CHLSN: variants seen among roughly 807,000 people sequenced by gnomAD.
The protein encoded by CHLSN is cholesin.
the CHLSN span, among the ~76,000 whole-genome samples, chr7:1,071,033 T>C: frequency 2.4e-3 from 359 of 152,166 alleles, no homozygotes; most frequent in Non-Finnish European, 4.0e-3. Context: ...CACACACATG[T>C]ACATGCAGCC....
chr7:1,111,493 C>T, the CHLSN span, among the ~76,000 whole-genome samples: 4 of 152,316 alleles, frequency 2.6e-5, no homozygotes, highest in African/African-American at 7.2e-5. Context: ...TGCTGTTTGT[C>T]GTTTTGCTTA....
At chr7:1,085,217 T>C in the CHLSN span, among the ~76,000 whole-genome samples, 4 of 152,230 alleles carry the variant, frequency 2.6e-5, no homozygotes, top group Admixed American at 2.6e-4. Flanking sequence ...TCAGATGAAA[T>C]TCCCCTTGAA....
chr7:1,034,521 G>A, the CHLSN span, among the ~76,000 whole-genome samples: 17 of 152,272 alleles, frequency 1.1e-4, 1 homozygote, highest in Admixed American at 8.5e-4. Context: ...TCGGGACATC[G>A]GACAGCTGTG....
the CHLSN span, among the ~76,000 whole-genome samples, chr7:1,135,792 T>TAC: frequency 3.8e-5 from 4 of 106,390 alleles, 1 homozygote; most frequent in South Asian, 8.1e-4. Context: ...TATATATATA[T>TAC]ACACAATTTA....
the CHLSN span, among the ~76,000 whole-genome samples, chr7:1,011,150 GACCCACACCC>G: frequency 1.3e-3 from 143 of 113,368 alleles, no homozygotes; most frequent in Middle Eastern, 0.025. Context: ...TACCCACACC[GACCCACACCC>G]ACCCACACCC....
At chr7:1,009,753 C>T in the CHLSN span, among the ~76,000 whole-genome samples, 1 of 152,362 alleles carries the variant, frequency 6.6e-6, no homozygotes, top group South Asian at 2.1e-4. Flanking sequence ...GCTCTGCTGC[C>T]GCCCCTGAAA....
At chr7:1,054,159 A>C in the CHLSN span, among the ~76,000 whole-genome samples, 1 of 152,184 alleles carries the variant, frequency 6.6e-6, no homozygotes, top group African/African-American at 2.4e-5. Context: ...CTTCCCTCCC[A>C]AGATCTCCAG....
the CHLSN span, among the ~76,000 whole-genome samples, chr7:1,037,380 G>A: frequency 7.5e-5 from 10 of 133,910 alleles, 1 homozygote; most frequent in African/African-American, 1.6e-4. Flanking sequence ...TCAGCCTGCC[G>A]AGTGCCTGCC....
chr7:1,016,831 AG>A, the CHLSN span, among the ~76,000 whole-genome samples: 344 of 123,576 alleles, frequency 2.8e-3, 24 homozygotes, highest in African/African-American at 0.011. Context: ...AGCAGCGCAC[AG>A]CAGCGCACGC....
chr7:1,113,525 G>C, the CHLSN span, among the ~76,000 whole-genome samples: 1 of 152,204 alleles, frequency 6.6e-6, no homozygotes, highest in Non-Finnish European at 1.5e-5. Flanking sequence ...ACGAGGTGCT[G>C]ATGGGTCACC....
the CHLSN span, among the ~76,000 whole-genome samples, chr7:1,124,108 C>T: frequency 3.3e-5 from 5 of 152,248 alleles, no homozygotes; most frequent in Non-Finnish European, 5.9e-5. Context: ...AGGCTTTCTT[C>T]TTTCCCCTCT....
chr7:1,083,689 A>C, the CHLSN span, among the ~76,000 whole-genome samples: 1 of 151,920 alleles, frequency 6.6e-6, no homozygotes, highest in South Asian at 2.1e-4. Flanking sequence ...CGACGGGAGC[A>C]CCTGAGCTTC....
At chr7:1,096,823 C>T in the CHLSN span, among the ~76,000 whole-genome samples, 475 of 152,334 alleles carry the variant, frequency 3.1e-3, 1 homozygote, top group African/African-American at 0.011. The surrounding 1 kb of genome is among the most constrained non-coding windows in gnomAD (Gnocchi z 4.6). Flanking sequence ...CAGTGAGAAG[C>T]GGCAGCGGTG....
the CHLSN span, among the ~76,000 whole-genome samples, chr7:1,032,462 C>T: frequency 3.3e-5 from 5 of 152,078 alleles, no homozygotes; most frequent in East Asian, 1.9e-4. Context: ...CCACCCACAC[C>T]GCCAGGCACC....
chr7:1,063,924 G>A, the CHLSN span, among the ~76,000 whole-genome samples: 71 of 152,216 alleles, frequency 4.7e-4, no homozygotes, highest in Non-Finnish European at 9.1e-4. Context: ...TCAGAGCTCC[G>A]CAAGTCCCCA....
chr7:1,007,006 C>A, the CHLSN span, among the ~76,000 whole-genome samples: 4 of 152,156 alleles, frequency 2.6e-5, no homozygotes, highest in African/African-American at 9.7e-5. Flanking sequence ...GCCCAGCCTG[C>A]GACCCGGGTT....
At chr7:986,005 C>T in the CHLSN span, among the ~76,000 whole-genome samples, 1 of 152,128 alleles carries the variant, frequency 6.6e-6, no homozygotes, top group Non-Finnish European at 1.5e-5. Context: ...TGGAGCCAGG[C>T]AGGCCCAGAG....
the CHLSN span, among the ~76,000 whole-genome samples, chr7:989,907 TGGC>T: frequency 2.2e-5 from 1 of 45,372 alleles, no homozygotes; most frequent in Non-Finnish European, 4.2e-5. Flanking sequence ...CGTGTGCTGG[TGGC>T]GGTGTGGTCG....
the CHLSN span, among the ~76,000 whole-genome samples, chr7:1,003,419 T>C: frequency 2.3e-5 from 1 of 43,882 alleles, no homozygotes; most frequent in Admixed American, 2.2e-4. Flanking sequence ...GGGTGGGGAG[T>C]CCTGTGGGTG....
Sources: allele counts gnomAD v4.1 joint callset (sites outside exome capture counted in the v4.1 genomes callset), GRCh38; gene constraint gnomAD v4.1.1; non-coding constraint Gnocchi (gnomAD v3.1); transcripts MANE v1.5; gene names NCBI Gene and HGNC (gene_info 2026-07-23, HGNC 2026-07-21).